The following CUX1 variants were observed in gnomAD, a reference collection of about 807,000 sequenced individuals.
CUX1 encodes the protein cut like homeobox 1.
Under a neutral mutation model 158.8 loss-of-function variants are expected in CUX1, and 31 were observed. The observed-to-expected ratio is 0.20, with a 90% confidence interval of 0.15 to 0.26. The LOEUF is 0.26. Ranked by LOEUF, CUX1 falls within the 10% of genes least tolerant of loss-of-function variation. The probability of loss-of-function intolerance (pLI) is 1.00; values close to 1 mark genes in which losing one functional copy is unlikely to be tolerated. For missense variants in CUX1, 1,589 were observed against 2,014.6 expected, an observed-to-expected ratio of 0.79 and a Z score of 4.04; for synonymous variants, 879 against 862.1, an observed-to-expected ratio of 1.02 and a Z score of -0.34.
At chr7:101,864,642 C>T (rs1158606269) in intron 1 of CUX1, among the ~76,000 whole-genome samples, 1 of 152,020 alleles carries the variant, frequency 6.6e-6, no homozygotes, top group East Asian at 1.9e-4. Context: ...CCTCTGCCTC[C>T]TAGGTTCAAG....
chr7:101,830,952 T>G (rs1793920805), intron 1 of CUX1, among the ~76,000 whole-genome samples: 1 of 152,156 alleles, frequency 6.6e-6, no homozygotes, highest in Non-Finnish European at 1.5e-5. Context: ...GGGCCGTGCA[T>G]CCATTCGTGT....
In CUX1 at chr7:101,958,844, CTTTT is replaced by C. The variant is rs10667965; in HGVS notation, c.141+42644_141+42647del. ...TTTTCTGTCATAAGGAGATGATGCCCTTTTTTTTTTTTTTTTTTTTTTTTTTTTA... is the reference window on the plus strand; with the variant it reads ...TTTTCTGTCATAAGGAGATGATGCCCTTTTTTTTTTTTTTTTTTTTTTTTA... On this transcript the variant is annotated intron_variant, in intron 2 of 23. Coordinates refer to ENST00000292535, the MANE Select transcript of CUX1 (RefSeq NM_181552.4). Among the ~76,000 whole-genome samples the C allele has an allele frequency of 3.3e-4, 22 of 65,818 alleles. No individual in the cohort carries two copies. In the East Asian group the frequency reaches 8.8e-3, roughly 26 times the overall value. 43.2% of individuals were successfully genotyped at this position (65,818 alleles called of 152,430 possible).
chr7:102,239,282 C>A, intron 22 of CUX1, 38 bp from the exon 23 acceptor site: 1 of 1,574,290 alleles, frequency 6.4e-7, no homozygotes, highest in Non-Finnish European at 8.6e-7. Flanking sequence ...GCTGTCCCAG[C>A]TGGGCCTGAC....
chr7:101,887,080 T>C (rs1311642067), intron 1 of CUX1, among the ~76,000 whole-genome samples: 6 of 152,122 alleles, frequency 3.9e-5, no homozygotes, highest in Non-Finnish European at 8.8e-5. Context: ...AGGAGGTCAG[T>C]GCCGGACACT....
chr7:101,851,720 C>T (rs1796284107), intron 1 of CUX1, among the ~76,000 whole-genome samples: 2 of 152,132 alleles, frequency 1.3e-5, no homozygotes, highest in Admixed American at 1.3e-4. Flanking sequence ...TGGCGTGGTT[C>T]TTATGGCCTG....
Position 102,257,188 on chromosome 7 carries a change from A to C in CUX1, c.*8146A>C. On this transcript the variant is annotated 3_prime_UTR_variant, in exon 24 of 24. Transcript: ENST00000292535. ...CTGCTCACCCCAAGGTAGGCTGGGA[A>C]GAGCATCTCTTTCCATATCATCACC... The C allele has an allele frequency of 1.0e-6, 1 of 985,410 alleles. No homozygotes were observed. The highest frequency in any genetic ancestry group is 1.2e-6 in the Non-Finnish European group (1 of 829,930). The allele number at this position is 985,410 out of a possible 1,614,324, so 61.0% of individuals were successfully genotyped here. A position where few individuals can be genotyped will look rare whatever the true frequency, so the allele number is the denominator to read the frequency against.
intron 2 of CUX1, among the ~76,000 whole-genome samples, chr7:101,921,440 T>TTTTATTTATTTA (rs61205066): frequency 0.013 from 1,887 of 150,076 alleles, 21 homozygotes; most frequent in South Asian, 0.023. Context: ...TTTTATTTTA[T>TTTTATTTATTTA]TTTATTTATT....
upstream of CUX1, among the ~76,000 whole-genome samples, chr7:101,816,588 C>T (rs1157020462): frequency 7.0e-6 from 1 of 143,494 alleles, no homozygotes; most frequent in Non-Finnish European, 1.5e-5. Flanking sequence ...GCCCGCTCGC[C>T]CCGCGCCCCC....
intron 1 of CUX1, among the ~76,000 whole-genome samples, chr7:101,861,138 C>T (rs187916048): frequency 7.7e-4 from 117 of 152,272 alleles, no homozygotes; most frequent in African/African-American, 2.7e-3. Flanking sequence ...TAGGTCCTGA[C>T]CTGCTTTAGA....
At position 102,256,274 on chromosome 7, in the gene CUX1, C is replaced by T. The variant is rs182314534; in HGVS notation, c.*7232C>T. ...AATGGACTGACTGCTACTGACCTGC[C>T]GGCGTGCGTGAGGGTGATTATAAAA... On this transcript the variant is annotated 3_prime_UTR_variant, in exon 24 of 24. Transcript: ENST00000292535. The T allele has an allele frequency of 3.1e-5, 31 of 985,272 alleles. No homozygotes were observed. Among genetic ancestry groups the T allele is most frequent in the African/African-American group, 1.7e-4 (10 of 57,292 alleles). 61.0% of individuals were successfully genotyped at this position (985,272 alleles called of 1,614,324 possible).
At chr7:102,205,064 A>G in intron 19 of CUX1, 50 bp from the exon 20 acceptor site, 1 of 1,306,318 alleles carries the variant, frequency 7.7e-7, no homozygotes, top group Non-Finnish European at 1.1e-6. Context: ...AGGAAGCTTT[A>G]AGCCCTGGGC....
chr7:101,840,042 G>A (rs1161667049), intron 1 of CUX1, among the ~76,000 whole-genome samples: 3 of 152,206 alleles, frequency 2.0e-5, no homozygotes, highest in Non-Finnish European at 4.4e-5. Context: ...GATTAGAGGC[G>A]TAAGCCACCA....
intron 2 of CUX1, among the ~76,000 whole-genome samples, chr7:102,021,614 C>CTT (rs67147187): frequency 0.034 from 3,749 of 108,838 alleles, 148 homozygotes; most frequent in African/African-American, 0.1. Context: ...TTTTTTTTCT[C>CTT]TTTTTTTTTT....
chr7:102,163,560 A>T (rs959671111), intron 9 of CUX1, among the ~76,000 whole-genome samples: 1 of 152,158 alleles, frequency 6.6e-6, no homozygotes, highest in Non-Finnish European at 1.5e-5. Flanking sequence ...TTGAGACATC[A>T]GGTTTGAGTT....
intron 2 of CUX1, among the ~76,000 whole-genome samples, chr7:102,014,489 A>G (rs1292126944): frequency 1.3e-5 from 2 of 152,170 alleles, no homozygotes; most frequent in Non-Finnish European, 2.9e-5. Flanking sequence ...ACTGGATGAA[A>G]CTAAGTTGCT....
chr7:102,078,328 G>A (rs572244451), intron 4 of CUX1, among the ~76,000 whole-genome samples: 31 of 152,124 alleles, frequency 2.0e-4, no homozygotes, highest in African/African-American at 7.0e-4. Flanking sequence ...CTCCCGCCTC[G>A]GCCTCCCAAA....
chr7:102,214,355 C>G (rs1796838063), intron 20 of CUX1, among the ~76,000 whole-genome samples: 1 of 152,066 alleles, frequency 6.6e-6, no homozygotes, highest in African/African-American at 2.4e-5. Flanking sequence ...AAGACCCCAT[C>G]TCTACAGAAA....
chr7:102,029,443 G>C (rs1049530344), intron 3 of CUX1, among the ~76,000 whole-genome samples: 1 of 152,116 alleles, frequency 6.6e-6, no homozygotes, highest in Non-Finnish European at 1.5e-5. Context: ...ATATATGGAA[G>C]GCTGGGTTCC....
intron 3 of CUX1, among the ~76,000 whole-genome samples, chr7:102,061,877 CA>C (rs1342266559): frequency 6.6e-6 from 1 of 152,192 alleles, no homozygotes; most frequent in African/African-American, 2.4e-5. Context: ...GAGATATGGC[CA>C]ACTCGTGAGA....
Sources: gnomAD v4.1 joint callset for allele counts (sites outside exome capture counted in the v4.1 genomes callset) on GRCh38, gnomAD v4.1.1 for gene constraint, MANE v1.5 for transcripts, NCBI Gene and HGNC (gene_info 2026-07-23, HGNC 2026-07-21) for gene names.